USH2A: variants seen among roughly 807,000 people sequenced by gnomAD.
USH2A encodes Usher syndrome 2A (autosomal recessive, mild).
A neutral mutation model predicts 538.9 loss-of-function variants in USH2A; 443 were observed. That is an observed-to-expected ratio of 0.82 (90% CI 0.76 to 0.89). The LOEUF (loss-of-function observed/expected upper bound fraction) is 0.89. Ranked by LOEUF, USH2A falls within the 40% of genes least tolerant of loss-of-function variation. The pLI is 0.00. For missense variants in USH2A, 6,633 were observed against 6,324.8 expected (o/e 1.05, Z -1.65); for synonymous variants, 2,413 against 2,273.5 (o/e 1.06, Z -1.75).
chr1:215,937,181 C>T (rs556972468), intron 37 of USH2A, among the ~76,000 whole-genome samples: 23 of 152,070 alleles, frequency 1.5e-4, no homozygotes, highest in African/African-American at 5.5e-4. Flanking sequence ...ATGATAATTT[C>T]TATTCACTTT....
chr1:216,350,679 C>T (rs1244350168), intron 4 of USH2A, among the ~76,000 whole-genome samples: 1 of 152,070 alleles, frequency 6.6e-6, no homozygotes, highest in Non-Finnish European at 1.5e-5. Flanking sequence ...GGAAGCTCTA[C>T]CCCTCTGACT....
intron 3 of USH2A, among the ~76,000 whole-genome samples, chr1:216,384,520 C>T (rs1647783229): frequency 6.6e-6 from 1 of 152,118 alleles, no homozygotes; most frequent in South Asian, 2.1e-4. Flanking sequence ...GGAGTCTGCA[C>T]TAGTCAAACA....
At position 216,418,750 on chromosome 1, in the gene USH2A, G is replaced by A. The variant is rs184081408; in HGVS notation, c.486-71C>T. The A allele has an allele frequency of 6.6e-4, 1,025 of 1,562,652 alleles. 4 individuals carry two copies. In the Middle Eastern group the frequency reaches 0.012, roughly 19 times the overall value. On this transcript the variant is annotated intron_variant, in intron 2 of 71. Coordinates refer to ENST00000307340, the MANE Select transcript of USH2A (RefSeq NM_206933.4). Reference sequence around the variant, plus strand: ...AAAAGACATGCTAAGGTATTGTGCAGTTACAGTGGTGTTAAAATGACCTCA... The same window carrying A: ...AAAAGACATGCTAAGGTATTGTGCAATTACAGTGGTGTTAAAATGACCTCA...
intron 47 of USH2A, among the ~76,000 whole-genome samples, chr1:215,818,078 G>T (rs1374795029): frequency 1.3e-5 from 2 of 151,886 alleles, no homozygotes; most frequent in Non-Finnish European, 1.5e-5. Flanking sequence ...CTTATGGTAA[G>T]AATATAGTAT....
intron 32 of USH2A, among the ~76,000 whole-genome samples, chr1:216,013,078 A>C (rs1668615551): frequency 6.6e-6 from 1 of 152,200 alleles, no homozygotes; most frequent in African/African-American, 2.4e-5. Flanking sequence ...CTTTGCTGGC[A>C]GGACTATGCT....
At position 216,423,351 on chromosome 1, in the gene USH2A, G is replaced by A. The variant is rs922538869; in HGVS notation, c.-342C>T. On this transcript the variant is annotated 5_prime_UTR_variant, in exon 1 of 72. Transcript: ENST00000307340. ...ATAGGCTGTAGCAGCAGGAATGCTG[G>A]AAGGAAGACTTGGGTGCCCAGGTAA... 2.0e-5 allele frequency: 3 copies of A among 152,240 alleles called. No individual in the cohort carries two copies. The highest frequency in any genetic ancestry group is 2.1e-4 in the South Asian group (1 of 4,832). The allele number at this position is 152,240 out of a possible 1,614,324, so 9.4% of individuals were successfully genotyped here. A position where few individuals can be genotyped will look rare whatever the true frequency, so the allele number is the denominator to read the frequency against.
At chr1:216,303,215 A>T (rs2037246748) in intron 9 of USH2A, among the ~76,000 whole-genome samples, 1 of 152,008 alleles carries the variant, frequency 6.6e-6, no homozygotes, top group South Asian at 2.1e-4. Flanking sequence ...ATAGTGGACA[A>T]GATAAAGCAA....
intron 37 of USH2A, among the ~76,000 whole-genome samples, chr1:215,936,391 T>C (rs756619750): frequency 4.6e-5 from 7 of 152,038 alleles, no homozygotes; most frequent in Non-Finnish European, 1.0e-4. Context: ...GAACATAAAT[T>C]TGGTTGTCAA....
intron 35 of USH2A, among the ~76,000 whole-genome samples, chr1:215,977,134 AAAC>A (rs1159175596): frequency 6.6e-6 from 1 of 152,142 alleles, no homozygotes; most frequent in African/African-American, 2.4e-5. Context: ...TCTTAGAAAC[AAAC>A]AACTTCCAAA....
chr1:216,291,036 C>G (rs1297909485), intron 10 of USH2A, among the ~76,000 whole-genome samples: 1 of 152,194 alleles, frequency 6.6e-6, no homozygotes, highest in Non-Finnish European at 1.5e-5. Context: ...TCCCCAACCA[C>G]TCTAACCTTC....
intron 4 of USH2A, among the ~76,000 whole-genome samples, chr1:216,354,178 T>C (rs150665511): frequency 2.7e-4 from 41 of 152,066 alleles, no homozygotes; most frequent in Admixed American, 4.6e-4. Context: ...CAACTTCAAG[T>C]CAGTTTGGTA....
intron 32 of USH2A, among the ~76,000 whole-genome samples, chr1:216,032,482 A>T (rs1404674772): frequency 1.3e-5 from 2 of 152,142 alleles, no homozygotes; most frequent in East Asian, 1.9e-4. Context: ...GGTAGGAAGA[A>T]TTCTAAGAAT....
intron 70 of USH2A, among the ~76,000 whole-genome samples, chr1:215,632,048 C>CT (rs1167084328): frequency 3.3e-5 from 5 of 150,972 alleles, no homozygotes; most frequent in African/African-American, 7.3e-5. Flanking sequence ...CATCAGACTT[C>CT]TTTTTTTGTT....
chr1:216,257,476 T>C (rs866890894), intron 11 of USH2A, among the ~76,000 whole-genome samples: 5 of 152,136 alleles, frequency 3.3e-5, no homozygotes, highest in African/African-American at 1.2e-4. Context: ...TAAAAATTTA[T>C]CACTAGCTTT....
chr1:216,133,002 T>C (rs1170208667), intron 21 of USH2A, among the ~76,000 whole-genome samples: 1 of 152,124 alleles, frequency 6.6e-6, no homozygotes, highest in African/African-American at 2.4e-5. Context: ...AAAATGTTGA[T>C]GCGTATAGCC....
At chr1:216,364,033 G>A (rs1233568155) in intron 4 of USH2A, among the ~76,000 whole-genome samples, 3 of 150,110 alleles carry the variant, frequency 2.0e-5, no homozygotes, top group South Asian at 2.1e-4. Context: ...TTTTTATAAT[G>A]AGCATATATT....
intron 11 of USH2A, among the ~76,000 whole-genome samples, chr1:216,253,852 C>T (rs1308755757): frequency 6.6e-6 from 1 of 152,184 alleles, no homozygotes; most frequent in Non-Finnish European, 1.5e-5. Context: ...TTCCCTATAG[C>T]TAGAGATTTT....
chr1:216,367,151 G>C (rs2038615535), intron 3 of USH2A, among the ~76,000 whole-genome samples: 2 of 152,128 alleles, frequency 1.3e-5, no homozygotes, highest in African/African-American at 4.8e-5. Context: ...AAACACATTT[G>C]TTCTAGTCAG....
intron 4 of USH2A, among the ~76,000 whole-genome samples, chr1:216,359,225 G>A (rs1052422534): frequency 6.6e-6 from 1 of 151,874 alleles, no homozygotes; most frequent in Non-Finnish European, 1.5e-5. Context: ...TTTCTCTTTT[G>A]ATTGGTACAA....
Sources: gnomAD v4.1 joint callset for allele counts (sites outside exome capture counted in the v4.1 genomes callset) on GRCh38, gnomAD v4.1.1 for gene constraint, MANE v1.5 for transcripts, NCBI Gene and HGNC (gene_info 2026-07-23, HGNC 2026-07-21) for gene names.